Variants in CLIP1 observed in about 807,000 individuals in gnomAD.
CLIP1 encodes the protein CAP-Gly domain-containing linker protein 1.
CLIP1 carries 66 observed loss-of-function variants against 161.6 expected under a neutral mutation model. The ratio of observed to expected loss-of-function variants is 0.41; its 90% CI spans 0.33 to 0.50. The LOEUF (loss-of-function observed/expected upper bound fraction) is 0.50, where lower values mean the gene tolerates loss of function less well. CLIP1 is among the 20% of genes least tolerant of loss of function. CLIP1 has a pLI of 0.27. For synonymous variants in CLIP1, 598 were observed against 626.2 expected (o/e 0.96, Z 0.67); for missense variants, 1,376 against 1,702.0 (o/e 0.81, Z 3.37).
intron 1 of CLIP1, among the ~76,000 whole-genome samples, chr12:122,415,587 G>A (rs1956722736): frequency 6.6e-6 from 1 of 152,112 alleles, no homozygotes; most frequent in African/African-American, 2.4e-5. Flanking sequence ...GGGAGGCCAA[G>A]GCGGGTGGAT....
intron 5 of CLIP1, among the ~76,000 whole-genome samples, chr12:122,356,795 G>T (rs549143748): frequency 6.6e-6 from 1 of 152,146 alleles, no homozygotes; most frequent in Non-Finnish European, 1.5e-5. Flanking sequence ...GCGCCGCCAC[G>T]CCTGACTGGT....
chr12:122,356,763 G>T (rs559366893), intron 5 of CLIP1, among the ~76,000 whole-genome samples: 2 of 151,938 alleles, frequency 1.3e-5, no homozygotes, highest in Non-Finnish European at 2.9e-5. Context: ...TCAGCCTGCC[G>T]AGTGCCTGCG....
In CLIP1 at chr12:122,278,891, C is replaced by T; in HGVS notation, c.3817G>A (p.Val1273Ile). Residue 1273 changes from valine to isoleucine, a missense_variant, in exon 23 of 26, where the codon GTT becomes ATT. By Grantham distance (29) the Val-to-Ile change is conservative (BLOSUM62 3). This residue lies in a region of CLIP1 where 948 missense variants were observed against 1,134.8 expected (regional missense o/e 0.84). Coordinates refer to ENST00000620786, the MANE Select transcript of CLIP1 (RefSeq NM_001247997.2). The part of the protein sequence containing the change: ...NASAKSLHSV[V>I]QTLESDKVKL... ...ACCTTATCAGACTCTAGAGTCTGAACAACTGAATGCAAGGACTTGGCAGAG... is the reference window on the plus strand; with the variant it reads ...ACCTTATCAGACTCTAGAGTCTGAATAACTGAATGCAAGGACTTGGCAGAG... The T allele has an allele frequency of 6.2e-7, 1 of 1,613,082 alleles. No individual in the cohort carries two copies. Among genetic ancestry groups the T allele is most frequent in the Non-Finnish European group, 8.5e-7 (1 of 1,179,662 alleles).
chr12:122,277,955 C>G (rs1312356370), intron 24 of CLIP1, 199 bp downstream of exon 24: 1 of 597,132 alleles, frequency 1.7e-6, no homozygotes, highest in Non-Finnish European at 2.9e-6. Context: ...GGGAACTGAG[C>G]AGAAGAGAGA....
At chr12:122,352,002 T>C (rs1953055779) in intron 8 of CLIP1, among the ~76,000 whole-genome samples, 1 of 152,156 alleles carries the variant, frequency 6.6e-6, no homozygotes. Flanking sequence ...ATAAAAGGAT[T>C]TATCCTGCTC....
At chr12:122,306,311 AG>A (rs1950872476) in intron 20 of CLIP1, among the ~76,000 whole-genome samples, 1 of 152,120 alleles carries the variant, frequency 6.6e-6, no homozygotes, top group Non-Finnish European at 1.5e-5. Context: ...GTCCCTCTAG[AG>A]AACCCCGACT....
chr12:122,342,004 A>C (rs1429138666), intron 10 of CLIP1: 1 of 175,092 alleles, frequency 5.7e-6, no homozygotes, highest in Non-Finnish European at 1.2e-5. Flanking sequence ...GGCTGGTCTC[A>C]AACTCCTGAC....
intron 1 of CLIP1, among the ~76,000 whole-genome samples, chr12:122,398,743 G>A (rs1319124105): frequency 4.0e-5 from 6 of 151,602 alleles, no homozygotes; most frequent in African/African-American, 7.3e-5. Flanking sequence ...GCATGGTGGC[G>A]CCTGCCTGGA....
chr12:122,273,539 C>G (rs909294666), intron 25 of CLIP1, among the ~76,000 whole-genome samples: 1 of 151,662 alleles, frequency 6.6e-6, no homozygotes, highest in East Asian at 2.0e-4. Context: ...TCGTGGCCAC[C>G]ACGCCAGCCT....
chr12:122,335,915 G>A (rs897245695), intron 12 of CLIP1, among the ~76,000 whole-genome samples: 20 of 152,076 alleles, frequency 1.3e-4, no homozygotes, highest in African/African-American at 4.6e-4. Flanking sequence ...CTGACCCTGC[G>A]TGGCACATAT....
In CLIP1 at chr12:122,341,387, T is replaced by C. The variant is rs1166028749; in HGVS notation, c.1817A>G (p.Lys606Arg). The change falls in exon 11 of 26, where the codon AAA becomes AGA. Residue 606 changes from lysine (K) to arginine (R), a missense_variant. By Grantham distance (26) the Lys-to-Arg change is conservative. Coordinates refer to ENST00000620786, the MANE Select transcript of CLIP1 (RefSeq NM_001247997.2). ...EKLSKENESL[K>R]SKLEHANKEN... ...TTTGTTGGCATGCTCCAGCTTGCTT[T>C]TCAATGACTCGTTCTCTTTGGAAAG... is the stretch of plus-strand genomic sequence containing the variant. 1.2e-6 allele frequency: 2 copies of C among 1,614,210 alleles called. No individual in the cohort carries two copies. The highest frequency in any genetic ancestry group is 4.5e-5 in the East Asian group (2 of 44,886).
At chr12:122,293,907 C>A (rs1177766783) in intron 20 of CLIP1, among the ~76,000 whole-genome samples, 4 of 151,110 alleles carry the variant, frequency 2.6e-5, no homozygotes, top group African/African-American at 9.8e-5. Context: ...CAGGTTCACA[C>A]CATTCTCCTG....
chr12:122,421,895 C>G (rs1956955084), intron 1 of CLIP1, among the ~76,000 whole-genome samples: 4 of 152,368 alleles, frequency 2.6e-5, no homozygotes, highest in African/African-American at 9.6e-5. Flanking sequence ...GTTCGGATTA[C>G]CGGGCAGCGG....
intron 1 of CLIP1, among the ~76,000 whole-genome samples, chr12:122,396,234 T>G (rs1955907841): frequency 6.6e-6 from 1 of 152,172 alleles, no homozygotes; most frequent in African/African-American, 2.4e-5. Flanking sequence ...ATATTTACCC[T>G]GTTTACTAAG....
chr12:122,341,027 A>G lies in CLIP1; in HGVS notation c.2177T>C (p.Val726Ala), dbSNP rs1367269904. 4.3e-6 allele frequency: 7 copies of G among 1,613,894 alleles called. No homozygotes were observed. The highest frequency in any genetic ancestry group is 2.7e-5 in the African/African-American group (2 of 74,848). The change falls in exon 11 of 26, where the codon GTA becomes GCA. Residue 726 changes from valine to alanine, a missense_variant. Val to Ala is a moderately conservative substitution (Grantham distance 64, BLOSUM62 0). Coordinates refer to ENST00000620786, the MANE Select transcript of CLIP1 (RefSeq NM_001247997.2). ...KLDKAEDQHL[V>A]EMEDTLNKLQ... ...TTTGTTTAACGTGTCTTCCATTTCT[A>G]CGAGATGCTGGTCTTCTGCTTTGTC...
rs1161787021 is a variant in CLIP1 at position 122,311,432 on chromosome 12, T to TTA, written c.3474-1551_3474-1550insTA. Among the ~76,000 whole-genome samples the TTA allele has an allele frequency of 0.012, 1,852 of 148,270 alleles. 19 individuals carry two copies. Among genetic ancestry groups the TTA allele is most frequent in the Non-Finnish European group, 0.02 (1,361 of 66,656 alleles). ...AAACAAAATTATTATTATTATTATTTTTTTTTTTTTGAGACAGAGTCTCGC... is the reference window on the plus strand; with the variant it reads ...AAACAAAATTATTATTATTATTATTTTATTTTTTTTTTGAGACAGAGTCTCGC... On this transcript the variant is annotated intron_variant, in intron 19 of 25. Transcript: ENST00000620786. This position sits in a 1 kb window ranked among gnomAD's most constrained non-coding sequence, Gnocchi z 4.3.
chr12:122,367,124 A>G (rs1395736539), intron 3 of CLIP1, among the ~76,000 whole-genome samples: 1 of 152,202 alleles, frequency 6.6e-6, no homozygotes, highest in Non-Finnish European at 1.5e-5. Context: ...TGTCATGACA[A>G]TTGCTTTTCC....
intron 7 of CLIP1, 47 bp downstream of exon 7, chr12:122,354,406 A>G (rs1485551531): frequency 1.3e-6 from 2 of 1,491,710 alleles, no homozygotes; most frequent in Admixed American, 3.4e-5. Flanking sequence ...AAAACAAAAA[A>G]AAAGGGGGAA....
At chr12:122,391,404 G>A (rs899182927) in intron 1 of CLIP1, among the ~76,000 whole-genome samples, 3 of 151,486 alleles carry the variant, frequency 2.0e-5, no homozygotes, top group Non-Finnish European at 4.4e-5. Flanking sequence ...TGGCCAACAT[G>A]GTGACACCCC....
Sources: allele counts gnomAD v4.1 joint callset (sites outside exome capture counted in the v4.1 genomes callset), GRCh38; gene constraint gnomAD v4.1.1; regional missense constraint gnomAD v4.1.1; non-coding constraint Gnocchi (gnomAD v3.1); transcripts MANE v1.5; gene names NCBI Gene and HGNC (gene_info 2026-07-23, HGNC 2026-07-21).